HCN1: variants seen among roughly 807,000 people sequenced by gnomAD.
HCN1 encodes the protein potassium/sodium hyperpolarization-activated cyclic nucleotide-gated channel 1.
A neutral mutation model predicts 78.9 loss-of-function variants in HCN1; 13 were observed. That is an observed-to-expected ratio of 0.16 (90% CI 0.11 to 0.26). The LOEUF is 0.26. Among genes scored for constraint, HCN1 ranks in the 10% least tolerant of loss-of-function variants. HCN1 has a pLI of 1.00. For missense variants in HCN1, 810 were observed against 1,154.3 expected, an observed-to-expected ratio of 0.70 and a Z score of 4.32; for synonymous variants, 552 against 455.5, an observed-to-expected ratio of 1.21 and a Z score of -2.70.
chr5:45,351,871 G>T (rs1476049638), intron 5 of HCN1, among the ~76,000 whole-genome samples: 1 of 152,008 alleles, frequency 6.6e-6, no homozygotes, highest in Non-Finnish European at 1.5e-5. Flanking sequence ...AAAAAGTCAG[G>T]AAACAACAGG....
At chr5:45,518,979 A>G (rs1161238633) in intron 2 of HCN1, among the ~76,000 whole-genome samples, 2 of 151,750 alleles carry the variant, frequency 1.3e-5, no homozygotes, top group African/African-American at 4.8e-5. Flanking sequence ...ATACATAAAT[A>G]TATAAAATTT....
At chr5:45,337,972 A>T (rs1180565540) in intron 5 of HCN1, among the ~76,000 whole-genome samples, 1 of 152,182 alleles carries the variant, frequency 6.6e-6, no homozygotes, top group East Asian at 1.9e-4. Context: ...TGTTTTTGAA[A>T]TATCAGCTAA....
intron 5 of HCN1, among the ~76,000 whole-genome samples, chr5:45,307,062 T>A (rs1745750713): frequency 6.6e-6 from 1 of 151,830 alleles, no homozygotes; most frequent in Non-Finnish European, 1.5e-5. Context: ...CCCACAGTAA[T>A]GAAGGTATTT....
At chr5:45,485,011 C>A (rs1482181879) in intron 2 of HCN1, among the ~76,000 whole-genome samples, 1 of 152,044 alleles carries the variant, frequency 6.6e-6, no homozygotes, top group Non-Finnish European at 1.5e-5. Flanking sequence ...TGAGCTGTGG[C>A]CAAAACTAAA....
At chr5:45,641,696 T>C (rs1745457956) in intron 2 of HCN1, 1 of 152,152 alleles carries the variant, frequency 6.6e-6, no homozygotes, top group African/African-American at 2.4e-5. Flanking sequence ...CATTACAGAG[T>C]AGCATTTGTA....
At chr5:45,687,807 G>A (rs1739837486) in intron 1 of HCN1, among the ~76,000 whole-genome samples, 1 of 152,064 alleles carries the variant, frequency 6.6e-6, no homozygotes, top group Admixed American at 6.6e-5. Context: ...GGGAATTTTT[G>A]CAGAGTGATT....
At chr5:45,379,393 A>C (rs2112023731) in intron 4 of HCN1, among the ~76,000 whole-genome samples, 1 of 152,250 alleles carries the variant, frequency 6.6e-6, no homozygotes, top group East Asian at 1.9e-4. Context: ...TATCTAAGAA[A>C]TATGGTATCT....
chr5:45,260,538 C>T lies in HCN1; in HGVS notation c.*1383G>A, dbSNP rs1744714417. On this transcript the variant is annotated 3_prime_UTR_variant, in exon 8 of 8. Transcript: ENST00000303230. ...AAGGGCTACGTTAGTCACCACATGC[C>T]TTAAAGTTTACTAACCATTTAGTTA... The T allele has an allele frequency of 6.6e-6, 1 of 152,300 alleles. No individual in the cohort carries two copies. The highest frequency in any genetic ancestry group is 6.5e-5 in the Admixed American group (1 of 15,276). 9.4% of individuals were successfully genotyped at this position (152,300 alleles called of 1,614,324 possible).
intron 3 of HCN1, among the ~76,000 whole-genome samples, chr5:45,460,807 T>C (rs1323915591): frequency 1.3e-5 from 2 of 151,526 alleles, no homozygotes; most frequent in Middle Eastern, 3.5e-3. Flanking sequence ...CTTTTTTTTT[T>C]CAAATAGAAA....
rs200829129 is a variant in HCN1, at chr5:45,396,657, G to A, written c.1065C>T (p.His355=). The part of the protein sequence containing the change: ...YSYALFKAMS[H]MLCIGYGAQA... ...GGGCTCCATACCCAATGCACAGCAT[G>A]TGACTCATAGCTTTGAAGAGTGCGT... The change falls in exon 4 of 8, where the codon CAC becomes CAT. Residue 355 remains histidine, a synonymous_variant. Coordinates refer to ENST00000303230, the MANE Select transcript of HCN1 (RefSeq NM_021072.4). 37 of 1,613,890 alleles carry A rather than the reference G, an allele frequency of 2.3e-5. No homozygotes were observed. Among genetic ancestry groups the A allele is most frequent in the East Asian group, 6.7e-5 (3 of 44,854 alleles).
intron 1 of HCN1, among the ~76,000 whole-genome samples, chr5:45,673,359 A>G (rs1470080496): frequency 6.6e-6 from 1 of 151,570 alleles, no homozygotes; most frequent in Non-Finnish European, 1.5e-5. Flanking sequence ...AGAAATTACT[A>G]TTGACAGCCT....
intron 4 of HCN1, among the ~76,000 whole-genome samples, chr5:45,367,250 T>A (rs147310680): frequency 6.6e-6 from 1 of 151,738 alleles, no homozygotes; most frequent in Non-Finnish European, 1.5e-5. Flanking sequence ...ATTACACACA[T>A]ATATGTATGT....
intron 2 of HCN1, among the ~76,000 whole-genome samples, chr5:45,483,290 A>T (rs1283263422): frequency 1.3e-5 from 2 of 152,076 alleles, no homozygotes; most frequent in Non-Finnish European, 2.9e-5. Context: ...TGACTTTCTA[A>T]TAATAGCCAT....
At chr5:45,492,860 T>A (rs548484412) in intron 2 of HCN1, among the ~76,000 whole-genome samples, 7 of 152,108 alleles carry the variant, frequency 4.6e-5, no homozygotes, top group Non-Finnish European at 1.0e-4. Flanking sequence ...TTGTTTTTTG[T>A]TCTTAGAAAA....
chr5:45,437,538 T>C (rs576013570), intron 3 of HCN1, among the ~76,000 whole-genome samples: 1 of 152,326 alleles, frequency 6.6e-6, no homozygotes, highest in East Asian at 1.9e-4. Context: ...ATTCATGGTA[T>C]GCACACAACA....
intron 5 of HCN1, among the ~76,000 whole-genome samples, chr5:45,307,145 A>AT (rs1166083619): frequency 2.0e-5 from 3 of 152,146 alleles, no homozygotes; most frequent in Non-Finnish European, 4.4e-5. Context: ...AGTAACAACA[A>AT]TAAAAAGTAT....
chr5:45,303,933 T>C (rs1193677133), intron 5 of HCN1, 94 bp from the exon 6 acceptor site: 14 of 1,095,604 alleles, frequency 1.3e-5, no homozygotes, highest in Non-Finnish European at 1.9e-5. Flanking sequence ...CAGCATAACA[T>C]TGTAATTTAA....
chr5:45,625,581 T>A (rs1403819517), intron 2 of HCN1, among the ~76,000 whole-genome samples: 1 of 151,730 alleles, frequency 6.6e-6, no homozygotes, highest in Non-Finnish European at 1.5e-5. Flanking sequence ...CCTATAAAAT[T>A]ATAGAATAAA....
At chr5:45,374,889 G>C (rs1747570303) in intron 4 of HCN1, among the ~76,000 whole-genome samples, 1 of 143,856 alleles carries the variant, frequency 7.0e-6, no homozygotes, top group African/African-American at 2.5e-5. Context: ...TATATATATA[G>C]AGAGAGACAG....
Sources: gnomAD v4.1 joint callset for allele counts (sites outside exome capture counted in the v4.1 genomes callset) on GRCh38, gnomAD v4.1.1 for gene constraint, MANE v1.5 for transcripts, NCBI Gene and HGNC (gene_info 2026-07-23, HGNC 2026-07-21) for gene names.